CARD9: variants seen among roughly 807,000 people sequenced by gnomAD.
CARD9 encodes the protein caspase recruitment domain-containing protein 9.
CARD9 carries 53 observed loss-of-function variants against 66.0 expected under a neutral mutation model. The ratio of observed to expected loss-of-function variants is 0.80; its 90% CI spans 0.64 to 1.01. The LOEUF is 1.01. Ranked by LOEUF, CARD9 falls within the 50% of genes least tolerant of loss-of-function variation. CARD9 has a pLI of 0.00. For synonymous variants in CARD9, 387 were observed against 313.8 expected (o/e 1.23, Z -2.47); for missense variants, 769 against 743.2 (o/e 1.03, Z -0.40).
chr9:136,365,488 C>G (rs1051369569), intron 10 of CARD9: 1 of 551,340 alleles, frequency 1.8e-6, no homozygotes, highest in Non-Finnish European at 3.3e-6. Flanking sequence ...GGCTGCCTGC[C>G]AGGGAGGAAC....
chr9:136,364,168 A>T lies in CARD9; in HGVS notation c.*134T>A, dbSNP rs1433574747. 3 of 1,550,412 alleles carry T rather than the reference A, an allele frequency of 1.9e-6. No individual in the cohort carries two copies. Among genetic ancestry groups the T allele is most frequent in the Non-Finnish European group, 2.6e-6 (3 of 1,146,862 alleles). Reference sequence around the variant, plus strand: ...GCCCGGCAGTCCGGCTGGGCCTTTCAGGGCACCAGATTCCTCGTTCCAGGC... The same window carrying T: ...GCCCGGCAGTCCGGCTGGGCCTTTCTGGGCACCAGATTCCTCGTTCCAGGC... On this transcript the variant is annotated 3_prime_UTR_variant, in exon 13 of 13. Transcript: ENST00000371732.
chr9:136,366,574 G>A, intron 10 of CARD9: 1 of 598,548 alleles, frequency 1.7e-6, no homozygotes, highest in Admixed American at 2.8e-5. Context: ...CCACCCCAGG[G>A]GACACTTGTC....
intron 7 of CARD9, among the ~76,000 whole-genome samples, chr9:136,368,641 A>G (rs933517652): frequency 6.6e-6 from 1 of 152,198 alleles, no homozygotes; most frequent in Non-Finnish European, 1.5e-5. Flanking sequence ...GGGACGGGGC[A>G]TGGGAAGCAG....
chr9:136,365,265 CG>C, intron 10 of CARD9, 48 bp from the exon 11 acceptor site: 2 of 1,567,736 alleles, frequency 1.3e-6, no homozygotes, highest in Non-Finnish European at 1.7e-6. Context: ...TGCTGGGCCA[CG>C]TATAGCACGG....
chr9:136,364,602 G>A, intron 11 of CARD9, 43 bp from the exon 12 acceptor site: 1 of 1,524,656 alleles, frequency 6.6e-7, no homozygotes, highest in Non-Finnish European at 8.8e-7. Flanking sequence ...GCTCCCCTGA[G>A]GGAACCCGTC....
chr9:136,366,761 G>T, intron 10 of CARD9, 39 bp downstream of exon 10: 1 of 1,609,754 alleles, frequency 6.2e-7, no homozygotes, highest in Non-Finnish European at 8.5e-7. Flanking sequence ...ACTTGGGGAA[G>T]CTGGGAGGCC....
intron 6 of CARD9, 67 bp downstream of exon 6, chr9:136,370,227 G>A: frequency 1.9e-6 from 3 of 1,567,656 alleles, no homozygotes; most frequent in East Asian, 2.3e-5. Flanking sequence ...GCACGGAGTG[G>A]GCGGAGCTCA....
At chr9:136,371,278 C>T in intron 3 of CARD9, 46 bp downstream of exon 3, 1 of 1,581,932 alleles carries the variant, frequency 6.3e-7, no homozygotes, top group Non-Finnish European at 8.6e-7. Context: ...ACTGCCCGCT[C>T]CCCGCCAGCG....
chr9:136,364,994 C>G (rs1231320677), intron 11 of CARD9, 147 bp downstream of exon 11: 8 of 730,358 alleles, frequency 1.1e-5, no homozygotes, highest in Non-Finnish European at 1.8e-5. Context: ...CACCGCACCC[C>G]GAGCACTGTG....
Position 136,370,518 on chromosome 9 carries a change from C to A in CARD9, c.807+4G>T. ...GGCTGCACCTGCCCTGCCTACGGCC[C>A]CACCTGGACGGAGGCCTCCAGCTCC... On this transcript the variant is annotated splice_donor_region_variant and intron_variant, in intron 5 of 12. Transcript: ENST00000371732. The A allele has an allele frequency of 6.2e-7, 1 of 1,600,038 alleles. No individual in the cohort carries two copies. The highest frequency in any genetic ancestry group is 2.3e-5 in the East Asian group (1 of 44,076).
chr9:136,371,052 G>C lies in CARD9; in HGVS notation c.416C>G (p.Ser139Cys). 6.2e-7 allele frequency: 1 copy of C among 1,612,564 alleles called. No homozygotes were observed. Among genetic ancestry groups the C allele is most frequent in the East Asian group, 2.2e-5 (1 of 44,864 alleles). The part of the protein sequence containing the change: ...KVQDLTALLS[S>C]KDDFIKELRV... ...CAGCTCCTTGATGAAGTCATCTTTG[G>C]AGCTCAGCAGCGCGGTCAGGTCCTG... Residue 139 changes from serine to cysteine, a missense_variant, in exon 4 of 13, where the codon TCC becomes TGC. Coordinates refer to ENST00000371732, the MANE Select transcript of CARD9 (RefSeq NM_052813.5).
rs544440915 is a variant in CARD9, at chr9:136,372,796, C to T, written c.-16-702G>A. ...TGCCCACAGGAGCGTGTCTCTGTCA[C>T]CCCCTGCCGGCCCCGCAACCCTGGG... is the stretch of plus-strand genomic sequence containing the variant. On this transcript the variant is annotated intron_variant, in intron 1 of 12. Coordinates refer to ENST00000371732, the MANE Select transcript of CARD9 (RefSeq NM_052813.5). 1.2e-3 allele frequency among the ~76,000 whole-genome samples: 180 copies of T among 152,364 alleles called. 2 individuals carry two copies. The highest frequency in any genetic ancestry group is 4.2e-3 in the African/African-American group (176 of 41,586).
Position 136,364,308 on chromosome 9 carries a change from G to A in CARD9, c.1605C>T (p.Gly535=), listed in dbSNP as rs768039619. ...TTGSDNTDTE[G]S is the part of the protein sequence containing the mutation. ...GGGGCCTGCGCTGCTGCGGCTAGGA[G>A]CCCTCAGTGTCGGTGTTGTCGCTGC... The change falls in exon 13 of 13, where the codon GGC becomes GGT. Residue 535 remains glycine, a synonymous_variant. Transcript: ENST00000371732. The A allele has an allele frequency of 3.5e-5, 54 of 1,557,808 alleles. No homozygotes were observed. Among genetic ancestry groups the A allele is most frequent in the Non-Finnish European group, 4.7e-5 (54 of 1,151,200 alleles).
chr9:136,371,253 A>G, intron 3 of CARD9, 71 bp downstream of exon 3: 1 of 1,576,106 alleles, frequency 6.3e-7, no homozygotes, highest in Non-Finnish European at 8.6e-7. Flanking sequence ...GGGGCCAGGC[A>G]GAGGACCCAA....
Position 136,366,362 on chromosome 9 carries a change from C to T in CARD9, c.1357+438G>A, listed in dbSNP as rs139353315. Reference sequence around the variant, plus strand: ...TCCCTCAAGCCACGTGGGGCCCCATCTCGCCCCATCTTCTAGCTTCATGCA... The same window carrying T: ...TCCCTCAAGCCACGTGGGGCCCCATTTCGCCCCATCTTCTAGCTTCATGCA... On this transcript the variant is annotated intron_variant, in intron 10 of 12. Transcript: ENST00000371732. The T allele has an allele frequency of 6.2e-3, 1,290 of 209,238 alleles. 5 individuals are homozygous for T. The highest frequency in any genetic ancestry group is 9.1e-3 in the Non-Finnish European group (919 of 101,346). 13.0% of individuals were successfully genotyped at this position (209,238 alleles called of 1,614,324 possible). A position where few individuals can be genotyped will look rare whatever the true frequency, so the allele number is the denominator to read the frequency against.
intron 6 of CARD9, 195 bp downstream of exon 6, chr9:136,370,099 C>T (rs1377372376): frequency 2.9e-5 from 40 of 1,400,580 alleles, no homozygotes; most frequent in Non-Finnish European, 3.6e-5. Context: ...CACCATGAGC[C>T]CAGAGGTTGG....
At chr9:136,366,742 A>ATGGGCCTCACTTGGGGAAGC in intron 10 of CARD9, 58 bp downstream of exon 10, 1 of 1,582,658 alleles carries the variant, frequency 6.3e-7, no homozygotes, top group Non-Finnish European at 8.7e-7. Context: ...TGTGCTGAAG[A>ATGGGCCTCACTTGGGGAAGC]TGGGCCTCAC....
At chr9:136,372,505 C>T (rs1833300530) in intron 1 of CARD9, among the ~76,000 whole-genome samples, 1 of 152,260 alleles carries the variant, frequency 6.6e-6, no homozygotes, top group African/African-American at 2.4e-5. Flanking sequence ...TAGCCACCTC[C>T]ATGGCTGGAA....
rs775483171 is a variant in CARD9, at chr9:136,364,022, A to G, written c.*280T>C. The G allele has an allele frequency of 5.0e-6, 7 of 1,397,256 alleles. No individual in the cohort carries two copies. The South Asian group carries it at 7.4e-5, about 15-fold the overall frequency. 86.6% of individuals were successfully genotyped at this position (1,397,256 alleles called of 1,614,324 possible). ...TAACACTAATACAATGCATGCATGT[A>G]TTGTGTGTTACATGGTGAAACAGAA... On this transcript the variant is annotated 3_prime_UTR_variant, in exon 13 of 13. Coordinates refer to ENST00000371732, the MANE Select transcript of CARD9 (RefSeq NM_052813.5).
Sources: allele counts gnomAD v4.1 joint callset (sites outside exome capture counted in the v4.1 genomes callset), GRCh38; gene constraint gnomAD v4.1.1; transcripts MANE v1.5; gene names NCBI Gene and HGNC (gene_info 2026-07-23, HGNC 2026-07-21).